The following CALD1 variants were observed in gnomAD, a reference collection of about 807,000 sequenced individuals.
CALD1 encodes caldesmon 1, also known as caldesmon.
In CALD1, 33 loss-of-function variants were observed where a neutral mutation model predicts 99.9. The ratio of observed to expected loss-of-function variants is 0.33; its 90% CI spans 0.25 to 0.44. The LOEUF is 0.44. Ranked by LOEUF, CALD1 falls within the 20% of genes least tolerant of loss-of-function variation. The probability of loss-of-function intolerance (pLI) is 1.00; values close to 1 mark genes in which losing one functional copy is unlikely to be tolerated. For synonymous variants in CALD1, 310 were observed against 325.0 expected, an observed-to-expected ratio of 0.95 and a Z score of 0.50; for missense variants, 861 against 962.1, an observed-to-expected ratio of 0.89 and a Z score of 1.39.
At chr7:134,854,589 C>T (rs1332807015) in intron 2 of CALD1, among the ~76,000 whole-genome samples, 2 of 152,082 alleles carry the variant, frequency 1.3e-5, no homozygotes, top group Non-Finnish European at 2.9e-5. Flanking sequence ...AAGGTCACGG[C>T]GGGATGGGCT....
At chr7:134,915,984 A>G (rs2132750096) in intron 3 of CALD1, among the ~76,000 whole-genome samples, 1 of 152,314 alleles carries the variant, frequency 6.6e-6, no homozygotes, top group Admixed American at 6.5e-5. Context: ...GGGACCCATG[A>G]GCAGTGGTTG....
the CALD1 span, among the ~76,000 whole-genome samples, chr7:134,719,666 C>T: frequency 1.3e-5 from 2 of 152,036 alleles, no homozygotes; most frequent in African/African-American, 4.8e-5. Flanking sequence ...GGCCATTGTC[C>T]GATATGTGTT....
chr7:134,920,426 G>A (rs1804526835), intron 3 of CALD1: 2 of 821,848 alleles, frequency 2.4e-6, no homozygotes, highest in Non-Finnish European at 3.1e-6. Flanking sequence ...AATGCCATTA[G>A]CAGAACCAAT....
intron 3 of CALD1, among the ~76,000 whole-genome samples, chr7:134,894,473 A>G (rs778728223): frequency 1.3e-5 from 2 of 152,158 alleles, no homozygotes; most frequent in Admixed American, 6.5e-5. Flanking sequence ...TACCTTTTTC[A>G]TTTGAACCGT....
At chr7:134,947,980 A>G in intron 8 of CALD1, 1 of 523,134 alleles carries the variant, frequency 1.9e-6, no homozygotes, top group Non-Finnish European at 3.3e-6. Flanking sequence ...CATTTTACAG[A>G]TGAGAAAACT....
chr7:134,903,139 GA>G (rs1340215641), intron 3 of CALD1, among the ~76,000 whole-genome samples: 1 of 152,140 alleles, frequency 6.6e-6, no homozygotes, highest in African/African-American at 2.4e-5. Flanking sequence ...GTAAAAAGAT[GA>G]GTGGTTTCTA....
At position 134,953,985 on chromosome 7, in the gene CALD1, A is replaced by G. The variant is rs560796431; in HGVS notation, c.1935+3471A>G. Among the ~76,000 whole-genome samples the G allele has an allele frequency of 3.3e-5, 5 of 152,226 alleles. 1 individual carries two copies. The highest frequency in any genetic ancestry group is 1.2e-4 in the African/African-American group (5 of 41,534). On this transcript the variant is annotated intron_variant, in intron 9 of 14. Coordinates refer to ENST00000361675, the MANE Select transcript of CALD1 (RefSeq NM_033138.4). The stretch of plus-strand genomic sequence containing the variant: ...CCTTGAAGAACTTGCTGTGACTCTG[A>G]TTTTCAAGCTCAATTTCATATTCTA...
chr7:134,800,932 TATGTA>T (rs1554430503), intron 1 of CALD1, among the ~76,000 whole-genome samples: 5 of 152,068 alleles, frequency 3.3e-5, no homozygotes, highest in Admixed American at 6.5e-5. Context: ...TTTTAGACCC[TATGTA>T]ATGTATTTAT....
chr7:134,805,364 G>T (rs1318276863), intron 1 of CALD1, among the ~76,000 whole-genome samples: 1 of 151,922 alleles, frequency 6.6e-6, no homozygotes, highest in Non-Finnish European at 1.5e-5. Context: ...CTTAACTTTG[G>T]CTATATATTG....
intron 1 of CALD1, among the ~76,000 whole-genome samples, chr7:134,842,813 C>G (rs1360447100): frequency 1.3e-5 from 2 of 152,116 alleles, no homozygotes; most frequent in African/African-American, 2.4e-5. Context: ...GTTTTTCATG[C>G]TACTGAATGA....
At chr7:134,829,004 T>C (rs770584917) in intron 1 of CALD1, among the ~76,000 whole-genome samples, 2 of 152,204 alleles carry the variant, frequency 1.3e-5, no homozygotes, top group Admixed American at 6.5e-5. Context: ...CATCTTATCA[T>C]TAGATACTCT....
chr7:134,713,082 C>T, the CALD1 span, among the ~76,000 whole-genome samples: 1 of 152,114 alleles, frequency 6.6e-6, no homozygotes, highest in Non-Finnish European at 1.5e-5. Context: ...TATTGACAGA[C>T]GAAGTTCTGG....
the CALD1 span, among the ~76,000 whole-genome samples, chr7:134,738,106 G>A: frequency 6.6e-6 from 1 of 152,052 alleles, no homozygotes; most frequent in Admixed American, 6.6e-5. Flanking sequence ...TTGGCTTTAT[G>A]AGGAAGTCTC....
At chr7:134,718,902 T>G in the CALD1 span, among the ~76,000 whole-genome samples, 1 of 152,244 alleles carries the variant, frequency 6.6e-6, no homozygotes, top group Non-Finnish European at 1.5e-5. Context: ...TGAATAACAC[T>G]TGCCAAATAA....
At chr7:134,731,610 A>T in the CALD1 span, among the ~76,000 whole-genome samples, 1 of 151,896 alleles carries the variant, frequency 6.6e-6, no homozygotes, top group Non-Finnish European at 1.5e-5. Context: ...CTTCCCTGAT[A>T]ATGTACTATT....
chr7:134,943,935 T>C (rs1259773586), intron 7 of CALD1, among the ~76,000 whole-genome samples: 1 of 152,232 alleles, frequency 6.6e-6, no homozygotes, highest in Non-Finnish European at 1.5e-5. Context: ...TTAGGACTTA[T>C]TTAGCCAGTC....
intron 13 of CALD1, 100 bp downstream of exon 13, chr7:134,960,728 C>A: frequency 1.4e-6 from 1 of 705,550 alleles, no homozygotes; most frequent in East Asian, 2.7e-5. Flanking sequence ...TGGCAGTGCC[C>A]CTGTTCTTTG....
chr7:134,920,583 T>C (rs897495647), intron 3 of CALD1: 10 of 1,288,138 alleles, frequency 7.8e-6, no homozygotes, highest in Non-Finnish European at 1.0e-5. Context: ...CTGGATTGAG[T>C]ATCTCAGTTA....
chr7:134,935,307 A>G (rs1264105967), intron 5 of CALD1, among the ~76,000 whole-genome samples: 1 of 152,194 alleles, frequency 6.6e-6, no homozygotes, highest in Non-Finnish European at 1.5e-5. Flanking sequence ...ACCTTTCCAG[A>G]GCAAATTCTC....
Sources: gnomAD v4.1 joint callset for allele counts (sites outside exome capture counted in the v4.1 genomes callset) on GRCh38, gnomAD v4.1.1 for gene constraint, MANE v1.5 for transcripts, NCBI Gene and HGNC (gene_info 2026-07-23, HGNC 2026-07-21) for gene names.